SOBP: variants seen among roughly 807,000 people sequenced by gnomAD.
SOBP encodes sine oculis-binding protein homolog.
A neutral mutation model predicts 53.6 loss-of-function variants in SOBP; 4 were observed. The ratio of observed to expected loss-of-function variants is 0.07; its 90% CI spans 0.04 to 0.17. SOBP has a LOEUF of 0.17. Ranked by LOEUF, SOBP falls within the 10% of genes least tolerant of loss-of-function variation. The probability of loss-of-function intolerance (pLI) is 1.00; values close to 1 mark genes in which losing one functional copy is unlikely to be tolerated. For synonymous variants in SOBP, 584 were observed against 522.6 expected (o/e 1.12, Z -1.60); for missense variants, 1,088 against 1,204.7 (o/e 0.90, Z 1.43).
chr6:107,537,679 G>A lies in SOBP; in HGVS notation c.573+4069G>A, dbSNP rs376164926. Among the ~76,000 whole-genome samples the A allele has an allele frequency of 3.9e-5, 6 of 152,186 alleles. No homozygotes were observed. In the East Asian group the frequency reaches 9.7e-4, roughly 25 times the overall value. ...CTACAAAACATACAAAAATTAGCTG[G>A]CTGTGATGGTGCTCACCTGTAGTCC... On this transcript the variant is annotated intron_variant, in intron 4 of 6. Transcript: ENST00000317357.
intron 5 of SOBP, among the ~76,000 whole-genome samples, chr6:107,611,649 T>C (rs1029564845): frequency 1.3e-5 from 2 of 152,192 alleles, no homozygotes; most frequent in African/African-American, 2.4e-5. Flanking sequence ...ACTATTTACA[T>C]GTCAGCCACT....
intron 4 of SOBP, among the ~76,000 whole-genome samples, chr6:107,579,416 G>A (rs1052254128): frequency 1.3e-5 from 2 of 152,064 alleles, no homozygotes; most frequent in Non-Finnish European, 2.9e-5. Context: ...GTCCAATAAA[G>A]GAAAAATAGA....
intron 6 of SOBP, among the ~76,000 whole-genome samples, chr6:107,644,951 CT>C (rs1408162400): frequency 6.6e-6 from 1 of 152,184 alleles, no homozygotes; most frequent in African/African-American, 2.4e-5. Context: ...GACTTAGTGG[CT>C]ATTTTCATAA....
chr6:107,609,483 G>A (rs1022693419), intron 5 of SOBP, among the ~76,000 whole-genome samples: 8 of 152,222 alleles, frequency 5.3e-5, no homozygotes, highest in African/African-American at 1.9e-4. Context: ...ATGAGTTGGT[G>A]TCTGTGGATA....
intron 5 of SOBP, among the ~76,000 whole-genome samples, chr6:107,590,828 A>C (rs754462612): frequency 6.6e-6 from 1 of 152,206 alleles, no homozygotes; most frequent in Non-Finnish European, 1.5e-5. Context: ...CAGGTGGATT[A>C]TAAGAGTTGC....
intron 3 of SOBP, among the ~76,000 whole-genome samples, chr6:107,515,973 A>G (rs1407481798): frequency 6.6e-6 from 1 of 152,238 alleles, no homozygotes; most frequent in Non-Finnish European, 1.5e-5. Flanking sequence ...CATTAACAGA[A>G]TAAAGTAATA....
intron 6 of SOBP, among the ~76,000 whole-genome samples, chr6:107,651,915 G>T (rs1324127599): frequency 6.6e-6 from 1 of 152,120 alleles, no homozygotes; most frequent in Non-Finnish European, 1.5e-5. Flanking sequence ...TGATACCATG[G>T]TTTACTGAAT....
intron 5 of SOBP, among the ~76,000 whole-genome samples, chr6:107,613,800 T>C (rs1216744498): frequency 1.3e-5 from 2 of 152,232 alleles, no homozygotes; most frequent in Non-Finnish European, 2.9e-5. Flanking sequence ...TACTGGCTTC[T>C]AGAAGCTTAA....
intron 4 of SOBP, among the ~76,000 whole-genome samples, chr6:107,581,907 CAT>C (rs1166256267): frequency 1.3e-5 from 2 of 152,202 alleles, no homozygotes; most frequent in African/African-American, 4.8e-5. Flanking sequence ...AAAAATGCCA[CAT>C]GTGTGAGCTG....
intron 5 of SOBP, among the ~76,000 whole-genome samples, chr6:107,626,762 G>T (rs1253557954): frequency 1.3e-5 from 2 of 150,768 alleles, no homozygotes; most frequent in Non-Finnish European, 3.0e-5. Context: ...TTCTTAGGAG[G>T]CACGTTTTCC....
At chr6:107,499,307 A>G (rs905142810) in intron 1 of SOBP, among the ~76,000 whole-genome samples, 8 of 152,180 alleles carry the variant, frequency 5.3e-5, no homozygotes, top group Non-Finnish European at 8.8e-5. Context: ...TGAAAAGAGG[A>G]TGTCATATAG....
At chr6:107,553,190 G>A (rs1053776404) in intron 4 of SOBP, among the ~76,000 whole-genome samples, 1 of 151,850 alleles carries the variant, frequency 6.6e-6, no homozygotes, top group Non-Finnish European at 1.5e-5. Flanking sequence ...TCTGAAGAAA[G>A]CTTCAGATTG....
intron 3 of SOBP, among the ~76,000 whole-genome samples, chr6:107,516,488 AAAG>A (rs1783325421): frequency 6.6e-6 from 1 of 151,798 alleles, no homozygotes; most frequent in African/African-American, 2.4e-5. Context: ...AAAAAAAAAA[AAAG>A]AAAAGAAAAG....
intron 5 of SOBP, among the ~76,000 whole-genome samples, chr6:107,604,185 G>T (rs1786283348): frequency 6.6e-6 from 1 of 152,124 alleles, no homozygotes; most frequent in African/African-American, 2.4e-5. Flanking sequence ...AGTAATTTTT[G>T]CCATCTTTAA....
At chr6:107,591,978 T>TTG (rs1446003187) in intron 5 of SOBP, among the ~76,000 whole-genome samples, 1 of 93,752 alleles carries the variant, frequency 1.1e-5, no homozygotes, top group African/African-American at 3.8e-5. Flanking sequence ...GTTTTTTTTT[T>TTG]TTTTTTTTTT....
At chr6:107,656,530 A>C (rs1333860888) in intron 6 of SOBP, among the ~76,000 whole-genome samples, 1 of 152,196 alleles carries the variant, frequency 6.6e-6, no homozygotes, top group Non-Finnish European at 1.5e-5. Flanking sequence ...TATTAAGTAC[A>C]CACAGATCTG....
At chr6:107,519,259 T>C (rs1205847646) in intron 3 of SOBP, among the ~76,000 whole-genome samples, 2 of 148,790 alleles carry the variant, frequency 1.3e-5, no homozygotes, top group African/African-American at 5.0e-5. Context: ...GAAGGGGTAC[T>C]AATGGCATCT....
chr6:107,636,567 G>A (rs1005522810), intron 6 of SOBP, among the ~76,000 whole-genome samples: 1 of 152,178 alleles, frequency 6.6e-6, no homozygotes, highest in Non-Finnish European at 1.5e-5. Flanking sequence ...CTATCCAAGC[G>A]GGCATCAAAC....
At chr6:107,541,002 G>GTA (rs1784133397) in intron 4 of SOBP, among the ~76,000 whole-genome samples, 1 of 152,126 alleles carries the variant, frequency 6.6e-6, no homozygotes, top group Admixed American at 6.6e-5. Flanking sequence ...GTTCTAACAG[G>GTA]TAGTGTCTTT....
Sources: allele counts gnomAD v4.1 joint callset (sites outside exome capture counted in the v4.1 genomes callset), GRCh38; gene constraint gnomAD v4.1.1; transcripts MANE v1.5; gene names NCBI Gene and HGNC (gene_info 2026-07-23, HGNC 2026-07-21).